Variants in NHSL2 observed in about 807,000 individuals in gnomAD.
NHSL2 encodes the protein NHS like 2.
Under a neutral mutation model 53.4 loss-of-function variants are expected in NHSL2, and 27 were observed. The observed-to-expected ratio is 0.51, with a 90% CI of 0.37 to 0.70. The LOEUF (loss-of-function observed/expected upper bound fraction) is 0.70. NHSL2 is among the 30% of genes least tolerant of loss of function. NHSL2 has a pLI of 0.00. For missense variants in NHSL2, 892 were observed against 980.1 expected (o/e 0.91, Z 1.20); for synonymous variants, 408 against 404.1 (o/e 1.01, Z -0.12).
chrX:72,103,933 A>T (rs951508469), intron 1 of NHSL2, among the ~76,000 whole-genome samples: 3 of 112,961 alleles, frequency 2.7e-5, no homozygotes, highest in African/African-American at 9.7e-5. Context: ...GGGATGCGTG[A>T]CATTCATTCA....
At chrX:71,914,295 C>T (rs1273810865) in intron 1 of NHSL2, among the ~76,000 whole-genome samples, 1 of 112,573 alleles carries the variant, frequency 8.9e-6, no homozygotes, top group Non-Finnish European at 1.9e-5. Flanking sequence ...GAAATAGCTC[C>T]ATGCCTGCCA....
intron 1 of NHSL2, among the ~76,000 whole-genome samples, chrX:71,994,035 C>T (rs1016250066): frequency 8.9e-6 from 1 of 112,010 alleles, no homozygotes; most frequent in African/African-American, 3.3e-5. Context: ...GCTCCAATGG[C>T]ATCTCTGAGC....
At chrX:72,026,362 C>T (rs934847494) in intron 1 of NHSL2, among the ~76,000 whole-genome samples, 2 of 112,285 alleles carry the variant, frequency 1.8e-5, no homozygotes, top group East Asian at 2.8e-4. Context: ...GAACCATGGC[C>T]TCAGAAGGAA....
intron 1 of NHSL2, among the ~76,000 whole-genome samples, chrX:72,008,221 TCTGA>T (rs2042102115): frequency 8.9e-6 from 1 of 112,972 alleles, no homozygotes; most frequent in South Asian, 3.6e-4. Context: ...CACACTCTGT[TCTGA>T]CTGACTGTGT....
At chrX:72,044,325 T>C (rs1209058336) in intron 1 of NHSL2, among the ~76,000 whole-genome samples, 4 of 111,787 alleles carry the variant, frequency 3.6e-5, no homozygotes, top group Non-Finnish European at 7.5e-5. Flanking sequence ...GCTGACTGAA[T>C]CCAGATTCCA....
In NHSL2 at chrX:72,149,557, C is replaced by T. The variant is rs192047109; in HGVS notation, c.*5983C>T. The T allele has an allele frequency of 8.9e-6, 1 of 112,180 alleles. No homozygotes were observed. Among genetic ancestry groups the T allele is most frequent in the African/African-American group, 3.2e-5 (1 of 30,895 alleles). The allele number at this position is 112,180 out of a possible 1,213,427, so 9.2% of individuals were successfully genotyped here. A position where few individuals can be genotyped will look rare whatever the true frequency, so the allele number is the denominator to read the frequency against. On this transcript the variant is annotated 3_prime_UTR_variant, in exon 8 of 8. Coordinates refer to ENST00000633930, the MANE Select transcript of NHSL2 (RefSeq NM_001013627.3). ...GCATTGTGCTCATTGTACAAGTCAC[C>T]TCAAACTCATTCCTTCCCCCATGTG...
chrX:72,004,421 T>C (rs766987683), intron 1 of NHSL2, among the ~76,000 whole-genome samples: 15 of 111,922 alleles, frequency 1.3e-4, no homozygotes, highest in African/African-American at 4.9e-4. Context: ...GGCCCAAGTT[T>C]GGCTGTGGCT....
chrX:71,995,236 T>A (rs1193924848), intron 1 of NHSL2, among the ~76,000 whole-genome samples: 1 of 112,405 alleles, frequency 8.9e-6, no homozygotes, highest in African/African-American at 3.2e-5. Context: ...GGGTAATTAT[T>A]TGCAGCAGCC....
Position 72,137,081 on chromosome X carries a change from A to G in NHSL2, c.761-13A>G, listed in dbSNP as rs918470312. ...AACCAGGATGCACCCAAGTGTCTTT[A>G]TTTTGGCTACAGGGCAGCAGTTTGA... On this transcript the variant is annotated splice_polypyrimidine_tract_variant and intron_variant, in intron 4 of 7. Coordinates refer to ENST00000633930, the MANE Select transcript of NHSL2 (RefSeq NM_001013627.3). 4 of 1,161,789 alleles carry G rather than the reference A, an allele frequency of 3.4e-6. No individual in the cohort carries two copies. Among genetic ancestry groups the G allele is most frequent in the African/African-American group, 3.6e-5 (2 of 55,746 alleles).
intron 1 of NHSL2, among the ~76,000 whole-genome samples, chrX:72,001,323 T>C (rs1223099479): frequency 8.9e-6 from 1 of 111,925 alleles, no homozygotes; most frequent in Non-Finnish European, 1.9e-5. Flanking sequence ...TGCTACGGTT[T>C]ACCCATTCCC....
chrX:71,951,005 TACACACAC>T (rs10527333), intron 1 of NHSL2, among the ~76,000 whole-genome samples: 5 of 89,743 alleles, frequency 5.6e-5, no homozygotes, highest in African/African-American at 8.5e-5. Flanking sequence ...AAATACAAAA[TACACACAC>T]ACACACACAC....
At chrX:72,005,430 TC>T (rs1182593030) in intron 1 of NHSL2, among the ~76,000 whole-genome samples, 1 of 112,233 alleles carries the variant, frequency 8.9e-6, no homozygotes, top group African/African-American at 3.2e-5. Flanking sequence ...GTGAGTCAAT[TC>T]TTTGCAGGGT....
At chrX:72,045,815 T>G (rs186658507) in intron 1 of NHSL2, among the ~76,000 whole-genome samples, 1 of 112,267 alleles carries the variant, frequency 8.9e-6, no homozygotes, top group East Asian at 2.8e-4. Context: ...CGCATACCTA[T>G]GGCCCGCACA....
At chrX:72,118,235 T>G (rs2042155557) in intron 1 of NHSL2, among the ~76,000 whole-genome samples, 1 of 112,030 alleles carries the variant, frequency 8.9e-6, no homozygotes, top group African/African-American at 3.2e-5. Context: ...ATGTCGAGCA[T>G]CTTTTCATGT....
Position 72,143,661 on chromosome X carries a change from C to A in NHSL2, c.*87C>A. The A allele has an allele frequency of 3.5e-6, 2 of 574,772 alleles. No individual in the cohort carries two copies. Among genetic ancestry groups the A allele is most frequent in the Non-Finnish European group, 5.5e-6 (2 of 366,454 alleles). The allele number at this position is 574,772 out of a possible 1,213,427, so 47.4% of individuals were successfully genotyped here. Reference sequence around the variant, plus strand: ...GGGTCTTTAAACAGAACCATGGGAACAACAGAGCCTACATTTCTTTTATAT... The same window carrying A: ...GGGTCTTTAAACAGAACCATGGGAAAAACAGAGCCTACATTTCTTTTATAT... On this transcript the variant is annotated 3_prime_UTR_variant, in exon 8 of 8. Transcript: ENST00000633930.
intron 1 of NHSL2, chrX:72,130,906 G>T: frequency 8.3e-7 from 1 of 1,211,884 alleles, no homozygotes; most frequent in Non-Finnish European, 1.1e-6. Context: ...GGCATGCAAG[G>T]GGCTTCCTTC....
chrX:72,113,289 C>CT (rs1181133644), intron 1 of NHSL2, among the ~76,000 whole-genome samples: 5 of 111,288 alleles, frequency 4.5e-5, no homozygotes, highest in Non-Finnish European at 9.4e-5. Context: ...GGTGGGGTTG[C>CT]TCAGTAGCTG....
rs59851052 is a variant in NHSL2, at chrX:71,991,818, T to TTCTCTCTCTCTCTCTC, written c.280+80469_280+80484dup. ...TATGTCTCTCTGTGTGTCTTTCTCT[T>TTCTCTCTCTCTCTCTC]TCTCTCTCTCTCTCTCTCTCTCTCT... is the stretch of plus-strand genomic sequence containing the variant. On this transcript the variant is annotated intron_variant, in intron 1 of 7. Transcript: ENST00000633930. Among the ~76,000 whole-genome samples, 851 of 99,816 alleles carry TTCTCTCTCTCTCTCTC rather than the reference T, an allele frequency of 8.5e-3. 14 individuals carry two copies. The highest frequency in any genetic ancestry group is 0.032 in the African/African-American group (815 of 25,412). 86.7% of individuals were successfully genotyped at this position (99,816 alleles called of 115,157 possible).
intron 1 of NHSL2, among the ~76,000 whole-genome samples, chrX:72,011,780 T>C (rs768995586): frequency 8.9e-6 from 1 of 112,374 alleles, no homozygotes; most frequent in Admixed American, 9.4e-5. Flanking sequence ...CATCATTTGG[T>C]GTTCTCACTG....
Sources: allele counts gnomAD v4.1 joint callset (sites outside exome capture counted in the v4.1 genomes callset), GRCh38; gene constraint gnomAD v4.1.1; transcripts MANE v1.5; gene names NCBI Gene and HGNC (gene_info 2026-07-23, HGNC 2026-07-21).